SLC9A9: variants seen among roughly 807,000 people sequenced by gnomAD.
SLC9A9 encodes solute carrier family 9 member A9.
In SLC9A9, 62 loss-of-function variants were observed where a neutral mutation model predicts 77.8. That is an observed-to-expected ratio of 0.80 (90% CI 0.65 to 0.98). The LOEUF is 0.98. Ranked by LOEUF, SLC9A9 falls within the 50% of genes least tolerant of loss-of-function variation. The probability of loss-of-function intolerance (pLI) is 0.00; values close to 1 mark genes in which losing one functional copy is unlikely to be tolerated. For synonymous variants in SLC9A9, 320 were observed against 283.5 expected (o/e 1.13, Z -1.29); for missense variants, 775 against 774.9 (o/e 1.00, Z 0.00).
At chr3:143,754,611 T>G (rs1314119762) in intron 4 of SLC9A9, among the ~76,000 whole-genome samples, 1 of 152,102 alleles carries the variant, frequency 6.6e-6, no homozygotes, top group Non-Finnish European at 1.5e-5. Flanking sequence ...AGCGAGCTAC[T>G]GAAAAGGCTG....
intron 14 of SLC9A9, among the ~76,000 whole-genome samples, chr3:143,331,694 T>C (rs1468070678): frequency 6.6e-6 from 1 of 152,224 alleles, no homozygotes; most frequent in African/African-American, 2.4e-5. Flanking sequence ...GAGTAAGCGA[T>C]AGTATCTGCC....
At chr3:143,709,389 AG>A (rs1934080908) in intron 4 of SLC9A9, among the ~76,000 whole-genome samples, 1 of 152,108 alleles carries the variant, frequency 6.6e-6, no homozygotes, top group Admixed American at 6.6e-5. Flanking sequence ...GTCCAGACTA[AG>A]CACCTGGGGA....
intron 13 of SLC9A9, among the ~76,000 whole-genome samples, chr3:143,368,081 T>C (rs1426058000): frequency 1.3e-5 from 2 of 152,220 alleles, no homozygotes; most frequent in Non-Finnish European, 2.9e-5. Flanking sequence ...TGGGATTTTC[T>C]GGCTCTTTTA....
chr3:143,617,581 A>C (rs981727696), intron 6 of SLC9A9, among the ~76,000 whole-genome samples: 1 of 152,242 alleles, frequency 6.6e-6, no homozygotes, highest in Non-Finnish European at 1.5e-5. Flanking sequence ...ATTCACATAG[A>C]AAATCCAGAT....
intron 11 of SLC9A9, 71 bp downstream of exon 11, chr3:143,493,582 C>A: frequency 1.4e-6 from 2 of 1,418,390 alleles, no homozygotes; most frequent in Non-Finnish European, 2.0e-6. Context: ...TCTAAATTTT[C>A]TCATGGTTTT....
At chr3:143,612,137 A>G (rs1298741317) in intron 6 of SLC9A9, among the ~76,000 whole-genome samples, 1 of 152,206 alleles carries the variant, frequency 6.6e-6, no homozygotes, top group East Asian at 1.9e-4. Context: ...GCCCCTATAG[A>G]GGGTGGGTCT....
At chr3:143,746,646 C>T (rs573714865) in intron 4 of SLC9A9, among the ~76,000 whole-genome samples, 3 of 152,216 alleles carry the variant, frequency 2.0e-5, no homozygotes, top group African/African-American at 7.2e-5. Flanking sequence ...TGTCATCAGG[C>T]CCTGCCAATT....
At chr3:143,320,293 A>G (rs1002701810) in intron 14 of SLC9A9, among the ~76,000 whole-genome samples, 1 of 152,206 alleles carries the variant, frequency 6.6e-6, no homozygotes, top group African/African-American at 2.4e-5. Flanking sequence ...TCATCTGTAC[A>G]CTACTGTTCC....
At chr3:143,665,770 A>G (rs574791576) in intron 5 of SLC9A9, among the ~76,000 whole-genome samples, 1 of 152,334 alleles carries the variant, frequency 6.6e-6, no homozygotes, top group South Asian at 2.1e-4. Flanking sequence ...CACTCTCTCA[A>G]GACTAAACCA....
At chr3:143,423,287 A>G (rs927892061) in intron 12 of SLC9A9, among the ~76,000 whole-genome samples, 64 of 149,932 alleles carry the variant, frequency 4.3e-4, no homozygotes, top group African/African-American at 1.5e-3. Context: ...ACACACACAC[A>G]CAGAGTTCCT....
chr3:143,670,492 AGACAG>A (rs2039140206), intron 5 of SLC9A9, among the ~76,000 whole-genome samples: 1 of 152,222 alleles, frequency 6.6e-6, no homozygotes, highest in African/African-American at 2.4e-5. Context: ...AGGGTTACCA[AGACAG>A]GACACTCCAA....
intron 6 of SLC9A9, among the ~76,000 whole-genome samples, chr3:143,633,538 T>C (rs541020841): frequency 6.6e-6 from 1 of 152,186 alleles, no homozygotes; most frequent in African/African-American, 2.4e-5. Context: ...ATCTTTCTTA[T>C]AGACATTTTG....
chr3:143,414,086 T>G (rs2034147179), intron 12 of SLC9A9, among the ~76,000 whole-genome samples: 1 of 152,260 alleles, frequency 6.6e-6, no homozygotes, highest in Non-Finnish European at 1.5e-5. Flanking sequence ...AGTCTGATTT[T>G]TTCTTGTCAG....
chr3:143,598,265 G>A (rs1332436537), intron 6 of SLC9A9, among the ~76,000 whole-genome samples: 1 of 152,182 alleles, frequency 6.6e-6, no homozygotes, highest in Admixed American at 6.5e-5. Flanking sequence ...TTTAAAAACT[G>A]TATCCATACA....
At chr3:143,641,383 G>GTTTTT (rs1264945564) in intron 6 of SLC9A9, among the ~76,000 whole-genome samples, 5 of 98,112 alleles carry the variant, frequency 5.1e-5, no homozygotes, top group Admixed American at 1.1e-4. Context: ...TGTTGTCACA[G>GTTTTT]TCTTTTTTTT....
At chr3:143,294,073 TATAAA>T (rs1243180638) in intron 14 of SLC9A9, among the ~76,000 whole-genome samples, 2 of 152,356 alleles carry the variant, frequency 1.3e-5, no homozygotes, top group African/African-American at 4.8e-5. Flanking sequence ...TTCTTTTTCT[TATAAA>T]GTAAATTACA....
At chr3:143,667,496 T>TAAAGAGCTTTTGCACAGCA (rs1206229160) in intron 5 of SLC9A9, among the ~76,000 whole-genome samples, 1 of 152,068 alleles carries the variant, frequency 6.6e-6, no homozygotes, top group Non-Finnish European at 1.5e-5. Flanking sequence ...CTAATTAAAC[T>TAAAGAGCTTTTGCACAGCA]AAAGAGCTTT....
chr3:143,683,663 G>A (rs1933172822), intron 5 of SLC9A9, among the ~76,000 whole-genome samples: 1 of 151,948 alleles, frequency 6.6e-6, no homozygotes, highest in Non-Finnish European at 1.5e-5. Context: ...CTTAGAGATG[G>A]GTACCAAAGT....
intron 13 of SLC9A9, among the ~76,000 whole-genome samples, chr3:143,375,146 G>A (rs757671454): frequency 2.6e-5 from 4 of 152,100 alleles, no homozygotes; most frequent in East Asian, 1.9e-4. Context: ...AAGTACACAC[G>A]GAATATTCAC....
Sources: allele counts gnomAD v4.1 joint callset (sites outside exome capture counted in the v4.1 genomes callset), GRCh38; gene constraint gnomAD v4.1.1; transcripts MANE v1.5; gene names NCBI Gene and HGNC (gene_info 2026-07-23, HGNC 2026-07-21).